NOS1AP: variants seen among roughly 807,000 people sequenced by gnomAD.
NOS1AP encodes nitric oxide synthase 1 adaptor protein.
A neutral mutation model predicts 56.2 loss-of-function variants in NOS1AP; 21 were observed. That is an observed-to-expected ratio of 0.37 (90% CI 0.26 to 0.54). The LOEUF is 0.54. Among genes scored for constraint, NOS1AP ranks in the 20% least tolerant of loss-of-function variants. The probability of loss-of-function intolerance (pLI) is 0.84; values close to 1 mark genes in which losing one functional copy is unlikely to be tolerated. For synonymous variants in NOS1AP, 270 were observed against 274.6 expected (o/e 0.98, Z 0.17); for missense variants, 522 against 657.8 (o/e 0.79, Z 2.26).
intron 2 of NOS1AP, among the ~76,000 whole-genome samples, chr1:162,175,441 T>C (rs1365344497): frequency 6.6e-6 from 1 of 152,248 alleles, no homozygotes; most frequent in Non-Finnish European, 1.5e-5. Context: ...AACTCTTTGA[T>C]TTGGCTCTTG....
At position 162,084,019 on chromosome 1, in the gene NOS1AP, G is replaced by T. The variant is rs1027867772; in HGVS notation, c.105+13737G>T. On this transcript the variant is annotated intron_variant, in intron 1 of 9. Coordinates refer to ENST00000361897, the MANE Select transcript of NOS1AP (RefSeq NM_014697.3). ...TCAGTTATTATGCAGTGCAACCTGG[G>T]CATTGTGATTTTTCTATCTTCTGTG... 6.6e-5 allele frequency among the ~76,000 whole-genome samples: 10 copies of T among 152,266 alleles called. No individual in the cohort carries two copies. In the East Asian group the frequency reaches 1.5e-3, roughly 24 times the overall value.
At chr1:162,295,732 G>A (rs1011875500) in intron 3 of NOS1AP, among the ~76,000 whole-genome samples, 4 of 152,300 alleles carry the variant, frequency 2.6e-5, no homozygotes, top group African/African-American at 7.2e-5. Flanking sequence ...TATGTGAAGC[G>A]GGGCCTCCCT....
At chr1:162,152,285 C>T (rs1330329957) in intron 1 of NOS1AP, among the ~76,000 whole-genome samples, 5 of 152,190 alleles carry the variant, frequency 3.3e-5, no homozygotes, top group Admixed American at 2.6e-4. Context: ...TGACCTTTCT[C>T]GGTCCTGTGG....
At chr1:162,260,829 C>T (rs1230436505) in intron 2 of NOS1AP, among the ~76,000 whole-genome samples, 1 of 152,068 alleles carries the variant, frequency 6.6e-6, no homozygotes, top group African/African-American at 2.4e-5. Flanking sequence ...TAATGATTGA[C>T]TATCTTAATA....
At chr1:162,291,025 CAA>C (rs11292339) in intron 3 of NOS1AP, among the ~76,000 whole-genome samples, 155 of 144,124 alleles carry the variant, frequency 1.1e-3, no homozygotes, top group East Asian at 1.6e-3. Context: ...ACTGGACTAT[CAA>C]AAAAAAAAAA....
intron 2 of NOS1AP, among the ~76,000 whole-genome samples, chr1:162,186,974 T>G (rs1342881826): frequency 1.3e-5 from 2 of 152,138 alleles, no homozygotes; most frequent in East Asian, 1.9e-4. Context: ...TATTTATTTG[T>G]TTGTTTTTTT....
intron 2 of NOS1AP, among the ~76,000 whole-genome samples, chr1:162,198,020 C>G (rs2102162775): frequency 6.6e-6 from 1 of 152,360 alleles, no homozygotes; most frequent in Admixed American, 6.5e-5. Flanking sequence ...TGGGGCGAGT[C>G]ATGGAGGCGT....
chr1:162,287,057 G>A lies in NOS1AP; in HGVS notation c.178-287G>A, dbSNP rs56128851. Among the ~76,000 whole-genome samples, 1,165 of 152,270 alleles carry A rather than the reference G, an allele frequency of 7.7e-3. 10 individuals carry two copies. The highest frequency in any genetic ancestry group is 0.01 in the Non-Finnish European group (684 of 68,020). ...ATGATAGAATGAGTTATTGAGGGAAGGTTCTGATTTTTTATGGGATATTCC... is the reference window on the plus strand; with the variant it reads ...ATGATAGAATGAGTTATTGAGGGAAAGTTCTGATTTTTTATGGGATATTCC... On this transcript the variant is annotated intron_variant, in intron 2 of 9. Transcript: ENST00000361897.
intron 1 of NOS1AP, among the ~76,000 whole-genome samples, chr1:162,134,792 A>G (rs549047302): frequency 2.0e-5 from 3 of 152,294 alleles, no homozygotes; most frequent in African/African-American, 4.8e-5. Flanking sequence ...TGAAGCAGCC[A>G]TATAAACCTG....
intron 2 of NOS1AP, among the ~76,000 whole-genome samples, chr1:162,212,758 T>G (rs1652413168): frequency 6.6e-6 from 1 of 152,130 alleles, no homozygotes; most frequent in South Asian, 2.1e-4. Flanking sequence ...ATGAGATGGC[T>G]GTGGAGAGTC....
intron 2 of NOS1AP, among the ~76,000 whole-genome samples, chr1:162,249,345 C>A (rs1653775946): frequency 6.6e-6 from 1 of 152,098 alleles, no homozygotes; most frequent in Admixed American, 6.5e-5. Context: ...ATCTATGGAT[C>A]AAAATAAAGC....
intron 3 of NOS1AP, among the ~76,000 whole-genome samples, chr1:162,293,460 C>CT: frequency 2.0e-5 from 3 of 152,310 alleles, no homozygotes; most frequent in Middle Eastern, 6.8e-3. Flanking sequence ...ATTCCTGACT[C>CT]TGTTTTCTCT....
At chr1:162,097,755 A>T (rs1425626147) in intron 1 of NOS1AP, among the ~76,000 whole-genome samples, 2 of 152,200 alleles carry the variant, frequency 1.3e-5, no homozygotes, top group African/African-American at 4.8e-5. Flanking sequence ...CTTAATTATT[A>T]TAGCTCTATT....
chr1:162,084,404 T>A (rs2102017498), intron 1 of NOS1AP, among the ~76,000 whole-genome samples: 2 of 152,280 alleles, frequency 1.3e-5, no homozygotes, highest in African/African-American at 4.8e-5. Flanking sequence ...CAGGGGCAAC[T>A]CATTACTGAT....
At position 162,343,988 on chromosome 1, in the gene NOS1AP, G is replaced by T; in HGVS notation, c.595+12G>T. ...CTCAGGAGACCCAGGTAGGCACTGC[G>T]GCTTCTGTGGATGTGGGTGGGAAGG... On this transcript the variant is annotated intron_variant, in intron 6 of 9. Transcript: ENST00000361897. 1 of 1,613,890 alleles carries T rather than the reference G, an allele frequency of 6.2e-7. No homozygotes were observed. Among genetic ancestry groups the T allele is most frequent in the East Asian group, 2.2e-5 (1 of 44,840 alleles).
chr1:162,200,169 A>T (rs1048133961), intron 2 of NOS1AP, among the ~76,000 whole-genome samples: 2 of 152,144 alleles, frequency 1.3e-5, no homozygotes, highest in African/African-American at 4.8e-5. Context: ...TGGGGAGAGG[A>T]ACTACTACTG....
At chr1:162,270,990 G>T (rs1342923476) in intron 2 of NOS1AP, among the ~76,000 whole-genome samples, 3 of 152,192 alleles carry the variant, frequency 2.0e-5, no homozygotes, top group African/African-American at 7.2e-5. Context: ...GAGCAGCTTG[G>T]TGGGAGAAGG....
At chr1:162,268,910 C>T (rs1654505961) in intron 2 of NOS1AP, among the ~76,000 whole-genome samples, 1 of 152,002 alleles carries the variant, frequency 6.6e-6, no homozygotes. Flanking sequence ...AATATGAGTT[C>T]TAAAACAGAA....
chr1:162,239,655 G>A lies in NOS1AP; in HGVS notation c.178-47689G>A, dbSNP rs191309639. ...CAAGAGATTGCCTGATATGATTATT[G>A]CCCCTAAGTAACCTGGGGATGTACC... On this transcript the variant is annotated intron_variant, in intron 2 of 9. Coordinates refer to ENST00000361897, the MANE Select transcript of NOS1AP (RefSeq NM_014697.3). Among the ~76,000 whole-genome samples the A allele has an allele frequency of 1.4e-3, 218 of 152,226 alleles. 1 individual carries two copies. Among genetic ancestry groups the A allele is most frequent in the African/African-American group, 4.8e-3 (198 of 41,538 alleles).
Sources: gnomAD v4.1 joint callset for allele counts (sites outside exome capture counted in the v4.1 genomes callset) on GRCh38, gnomAD v4.1.1 for gene constraint, MANE v1.5 for transcripts, NCBI Gene and HGNC (gene_info 2026-07-23, HGNC 2026-07-21) for gene names.